GABRB3: variants seen among roughly 807,000 people sequenced by gnomAD.
GABRB3 encodes the protein gamma-aminobutyric acid type A receptor subunit beta3.
In GABRB3, 14 loss-of-function variants were observed where a neutral mutation model predicts 52.1. That is an observed-to-expected ratio of 0.27 (90% CI 0.18 to 0.42). The LOEUF is 0.42. GABRB3 is among the 10% of genes least tolerant of loss of function. The pLI is 1.00. For synonymous variants in GABRB3, 260 were observed against 232.3 expected, an observed-to-expected ratio of 1.12 and a Z score of -1.08; for missense variants, 307 against 609.1, an observed-to-expected ratio of 0.50 and a Z score of 5.22.
At chr15:26,601,187 G>A (rs1214283451) in intron 4 of GABRB3, among the ~76,000 whole-genome samples, 1 of 152,138 alleles carries the variant, frequency 6.6e-6, no homozygotes, top group Non-Finnish European at 1.5e-5. Context: ...ACTTTGGGAG[G>A]CCGAGGCGGG....
chr15:26,562,733 G>A (rs1164819817), intron 7 of GABRB3, among the ~76,000 whole-genome samples: 1 of 152,186 alleles, frequency 6.6e-6, no homozygotes, highest in African/African-American at 2.4e-5. Context: ...GGAATCAGCT[G>A]GAGAGCAAGC....
rs541220007 is a variant in GABRB3, at chr15:26,664,520, A to T, written c.241-42986T>A. On this transcript the variant is annotated intron_variant, in intron 3 of 8. Transcript: ENST00000311550. ...TGTGTATGTTTCACGGTGGAAAGAA[A>T]TCATTTTTTTGCATATTAAAAGCAA... Among the ~76,000 whole-genome samples, 179 of 152,156 alleles carry T rather than the reference A, an allele frequency of 1.2e-3. 1 individual carries two copies. Among genetic ancestry groups the T allele is most frequent in the African/African-American group, 4.1e-3 (170 of 41,488 alleles).
chr15:26,647,711 A>G (rs996889572), intron 3 of GABRB3, among the ~76,000 whole-genome samples: 5 of 138,712 alleles, frequency 3.6e-5, no homozygotes, highest in Non-Finnish European at 7.6e-5. Flanking sequence ...GAAGTGGCAG[A>G]TGTTCTCAAG....
chr15:26,745,559 G>C (rs1890315913), intron 3 of GABRB3, among the ~76,000 whole-genome samples: 1 of 152,094 alleles, frequency 6.6e-6, no homozygotes, highest in Non-Finnish European at 1.5e-5. Context: ...CTGCAGCCTC[G>C]ACCTCCTGGG....
chr15:26,703,386 T>C (rs1402567522), intron 3 of GABRB3, among the ~76,000 whole-genome samples: 4 of 152,164 alleles, frequency 2.6e-5, no homozygotes, highest in Non-Finnish European at 5.9e-5. Flanking sequence ...ATGGCCCAGT[T>C]ATCCTTTAAA....
intron 3 of GABRB3, among the ~76,000 whole-genome samples, chr15:26,719,073 A>C (rs559584520): frequency 6.6e-6 from 1 of 152,378 alleles, no homozygotes; most frequent in East Asian, 1.9e-4. Context: ...AGTTGCCTGC[A>C]TGCACCACAC....
chr15:26,623,194 G>T (rs1220092005), intron 3 of GABRB3, among the ~76,000 whole-genome samples: 1 of 152,208 alleles, frequency 6.6e-6, no homozygotes, highest in Non-Finnish European at 1.5e-5. Context: ...GGAAAAGCCT[G>T]TGGAGTGCAG....
At position 26,567,717 on chromosome 15, in the gene GABRB3, C is replaced by T; in HGVS notation, c.699G>A (p.Leu233=). The T allele has an allele frequency of 1.9e-6, 3 of 1,614,040 alleles. No homozygotes were observed. Among genetic ancestry groups the T allele is most frequent in the East Asian group, 2.2e-5 (1 of 44,860 alleles). The part of the protein sequence containing the change: ...VVFATGAYPR[L]SLSFRLKRNI... ...TCCTCTTCAACCGAAAGCTCAGTGA[C>T]AGTCGAGGATAGGCACCTATGGGAA... is the stretch of plus-strand genomic sequence containing the variant. Residue 233 remains leucine, a synonymous_variant, in exon 7 of 9, where the codon CTG becomes CTA. Coordinates refer to ENST00000311550, the MANE Select transcript of GABRB3 (RefSeq NM_000814.6).
intron 4 of GABRB3, among the ~76,000 whole-genome samples, chr15:26,618,591 T>C (rs1464552567): frequency 2.6e-5 from 4 of 152,064 alleles, no homozygotes; most frequent in East Asian, 1.9e-4. Context: ...CAATACCATT[T>C]AGGACATAGG....
At chr15:26,620,503 CTG>C (rs1290713377) in intron 4 of GABRB3, among the ~76,000 whole-genome samples, 3 of 152,338 alleles carry the variant, frequency 2.0e-5, no homozygotes, top group Admixed American at 1.3e-4. Flanking sequence ...CCACTCAACA[CTG>C]AGAGCCACTG....
chr15:26,624,108 A>C lies in GABRB3; in HGVS notation c.241-2574T>G, dbSNP rs893346033. 4 of 800,496 alleles carry C rather than the reference A, an allele frequency of 5.0e-6. No homozygotes were observed. The Admixed American group carries it at 1.9e-4, about 37-fold the overall frequency. 49.6% of individuals were successfully genotyped at this position (800,496 alleles called of 1,614,324 possible). On this transcript the variant is annotated intron_variant, in intron 3 of 8. Coordinates refer to ENST00000311550, the MANE Select transcript of GABRB3 (RefSeq NM_000814.6). ...AGTGGACAGTGCTGAGTGGTGGGTA[A>C]AGCAAAGGCCTGAAAGGTTCTCGGA...
chr15:26,582,604 A>C (rs988805389), intron 5 of GABRB3, among the ~76,000 whole-genome samples: 22 of 152,332 alleles, frequency 1.4e-4, no homozygotes, highest in South Asian at 8.3e-4. Flanking sequence ...CCACCAGTGC[A>C]GTTTCTCAAT....
At chr15:26,681,774 A>C (rs1191053780) in intron 3 of GABRB3, among the ~76,000 whole-genome samples, 1 of 152,104 alleles carries the variant, frequency 6.6e-6, no homozygotes, top group Non-Finnish European at 1.5e-5. Flanking sequence ...CTAGCCTGGG[A>C]AACACAGTAA....
rs150092391 is a variant in GABRB3, at chr15:26,752,002, T to C, written c.240+20400A>G. Reference sequence around the variant, plus strand: ...TCTGCCTCTCCCAAGAAATAAATTGTTCTATATAAAAAACAGCATGCTTTA... The same window carrying C: ...TCTGCCTCTCCCAAGAAATAAATTGCTCTATATAAAAAACAGCATGCTTTA... On this transcript the variant is annotated intron_variant, in intron 3 of 8. Transcript: ENST00000311550. Among the ~76,000 whole-genome samples the C allele has an allele frequency of 5.5e-3, 844 of 152,246 alleles. 7 individuals carry two copies. Among genetic ancestry groups the C allele is most frequent in the African/African-American group, 0.019 (776 of 41,560 alleles).
intron 3 of GABRB3, among the ~76,000 whole-genome samples, chr15:26,639,548 G>A (rs1893145936): frequency 6.6e-6 from 1 of 152,164 alleles, no homozygotes; most frequent in African/African-American, 2.4e-5. Flanking sequence ...AAGGACTTGA[G>A]CATCTTTGGG....
chr15:26,609,103 TACACACACACACACACACAC>T lies in GABRB3; in HGVS notation c.461+12191_461+12210del, dbSNP rs79471574. Among the ~76,000 whole-genome samples the T allele has an allele frequency of 5.2e-4, 74 of 143,358 alleles. 1 individual carries two copies. Among genetic ancestry groups the T allele is most frequent in the African/African-American group, 1.9e-3 (66 of 35,350 alleles). 94.0% of individuals were successfully genotyped at this position (143,358 alleles called of 152,430 possible). On this transcript the variant is annotated intron_variant, in intron 4 of 8. Transcript: ENST00000311550. ...AATGATACACACACACACACACACA[TACACACACACACACACACAC>T]ACACACACACACAATGGAATGCTAC...
chr15:26,638,858 C>T (rs1330716222), intron 3 of GABRB3, among the ~76,000 whole-genome samples: 1 of 152,138 alleles, frequency 6.6e-6, no homozygotes, highest in African/African-American at 2.4e-5. Flanking sequence ...GAAACATGCG[C>T]ATGTGTGCTG....
chr15:26,554,207 A>ATATATATATATATTTATTTATTTATT lies in GABRB3; in HGVS notation c.1081-6074_1081-6073insAATAAATAAATAAATATATATATATA, dbSNP rs1348288306. On this transcript the variant is annotated intron_variant, in intron 8 of 8. Coordinates refer to ENST00000311550, the MANE Select transcript of GABRB3 (RefSeq NM_000814.6). ...ATATATATACTATATATATATATAT[A>ATATATATATATATTTATTTATTTATT]TAGTAGAAACAAGGTCTCTCTTTGT... 8.6e-5 allele frequency among the ~76,000 whole-genome samples: 5 copies of ATATATATATATATTTATTTATTTATT among 57,832 alleles called. 1 individual carries two copies. Among genetic ancestry groups the ATATATATATATATTTATTTATTTATT allele is most frequent in the Non-Finnish European group, 1.7e-4 (4 of 24,144 alleles). The allele number at this position is 57,832 out of a possible 152,430, so 37.9% of individuals were successfully genotyped here. A position where few individuals can be genotyped will look rare whatever the true frequency, so the allele number is the denominator to read the frequency against.
At chr15:26,676,568 A>G (rs2140640425) in intron 3 of GABRB3, among the ~76,000 whole-genome samples, 1 of 152,354 alleles carries the variant, frequency 6.6e-6, no homozygotes, top group Admixed American at 6.5e-5. Context: ...CTTATCAGAA[A>G]TGGCTCTTAA....
Sources: gnomAD v4.1 joint callset for allele counts (sites outside exome capture counted in the v4.1 genomes callset) on GRCh38, gnomAD v4.1.1 for gene constraint, MANE v1.5 for transcripts, NCBI Gene and HGNC (gene_info 2026-07-23, HGNC 2026-07-21) for gene names.